The following WASHC3 variants were observed in gnomAD, a reference collection of about 807,000 sequenced individuals.
WASHC3 encodes the protein WASH complex subunit 3.
WASHC3 carries 24 observed loss-of-function variants against 26.1 expected under a neutral mutation model. The observed-to-expected ratio is 0.92, with a 90% CI of 0.66 to 1.29. The LOEUF (loss-of-function observed/expected upper bound fraction) is 1.29. WASHC3 is among the 50% of genes most tolerant of loss of function. The pLI is 0.00. For missense variants in WASHC3, 214 were observed against 229.6 expected (o/e 0.93, Z 0.44); for synonymous variants, 77 against 75.7 (o/e 1.02, Z -0.09).
At chr12:102,017,630 T>C in intron 6 of WASHC3, 1 of 314,806 alleles carries the variant, frequency 3.2e-6, no homozygotes. Context: ...GATTAGAACA[T>C]CTAGCAGGAG....
chr12:102,019,089 G>A (rs781439323), intron 6 of WASHC3, among the ~76,000 whole-genome samples: 4 of 152,096 alleles, frequency 2.6e-5, no homozygotes, highest in African/African-American at 7.2e-5. Context: ...ATGAGCCACC[G>A]CGGCTGGCCC....
At chr12:102,016,623 T>G (rs983015365) in intron 6 of WASHC3, among the ~76,000 whole-genome samples, 2 of 152,112 alleles carry the variant, frequency 1.3e-5, no homozygotes, top group Admixed American at 1.3e-4. Context: ...CAATAGAAAA[T>G]AGCAGATTCA....
intron 6 of WASHC3, among the ~76,000 whole-genome samples, chr12:102,018,840 A>C (rs1876827824): frequency 1.3e-5 from 2 of 152,008 alleles, no homozygotes; most frequent in South Asian, 4.1e-4. Flanking sequence ...TTATTTAGTG[A>C]GGCTGGAGTG....
intron 6 of WASHC3, among the ~76,000 whole-genome samples, chr12:102,018,016 G>T (rs538148164): frequency 6.6e-6 from 1 of 151,982 alleles, no homozygotes; most frequent in Non-Finnish European, 1.5e-5. Flanking sequence ...CTGTCTCTAT[G>T]AATTTGACTA....
At chr12:102,018,778 A>G (rs1876821765) in intron 6 of WASHC3, among the ~76,000 whole-genome samples, 1 of 151,518 alleles carries the variant, frequency 6.6e-6, no homozygotes, top group East Asian at 1.9e-4. Context: ...CTCCTCATTC[A>G]TTTTATTATT....
chr12:102,035,784 C>A (rs1462389200), intron 5 of WASHC3, among the ~76,000 whole-genome samples: 1 of 152,016 alleles, frequency 6.6e-6, no homozygotes, highest in Non-Finnish European at 1.5e-5. Context: ...ACTGGAGATA[C>A]AAAAATATGT....
At chr12:102,017,276 C>A (rs369161092) in intron 6 of WASHC3, among the ~76,000 whole-genome samples, 2 of 152,042 alleles carry the variant, frequency 1.3e-5, no homozygotes, top group African/African-American at 4.8e-5. Context: ...CACTCTATGA[C>A]GTTTGCACAA....
At chr12:102,043,233 A>C (rs960146231) in intron 4 of WASHC3, among the ~76,000 whole-genome samples, 2 of 152,146 alleles carry the variant, frequency 1.3e-5, no homozygotes, top group African/African-American at 4.8e-5. Flanking sequence ...CTTGAGTAAC[A>C]AGGGGTTAGA....
intron 2 of WASHC3, among the ~76,000 whole-genome samples, chr12:102,047,249 G>A (rs1476187961): frequency 1.1e-4 from 17 of 152,176 alleles, no homozygotes. Flanking sequence ...CATCCTGATT[G>A]TATTCTGGGA....
chr12:102,046,479 G>C (rs1304593693), intron 2 of WASHC3, among the ~76,000 whole-genome samples: 3 of 152,162 alleles, frequency 2.0e-5, no homozygotes, highest in Non-Finnish European at 4.4e-5. Context: ...ATTTTTAGTA[G>C]AGATAGTGTT....
intron 6 of WASHC3, among the ~76,000 whole-genome samples, chr12:102,021,250 T>C (rs1253861828): frequency 6.6e-6 from 1 of 152,212 alleles, no homozygotes; most frequent in Non-Finnish European, 1.5e-5. Context: ...CTTTTCTCTT[T>C]TGAATTCTCA....
intron 6 of WASHC3, among the ~76,000 whole-genome samples, chr12:102,024,468 A>G (rs545655039): frequency 4.6e-5 from 7 of 152,324 alleles, no homozygotes; most frequent in African/African-American, 1.7e-4. Flanking sequence ...CATCATAGTG[A>G]TTGACACTGT....
chr12:102,039,231 C>T (rs1308216135), intron 5 of WASHC3, among the ~76,000 whole-genome samples: 1 of 150,984 alleles, frequency 6.6e-6, no homozygotes, highest in African/African-American at 2.4e-5. Context: ...CCACCTCAGC[C>T]TCCCAAAGTG....
chr12:102,028,905 G>A (rs1877316668), intron 5 of WASHC3, among the ~76,000 whole-genome samples: 1 of 152,016 alleles, frequency 6.6e-6, no homozygotes, highest in Non-Finnish European at 1.5e-5. Context: ...TCTGGGGCCT[G>A]CTTACAGCAG....
chr12:102,051,729 T>C (rs1008789731), intron 2 of WASHC3, among the ~76,000 whole-genome samples: 4 of 152,246 alleles, frequency 2.6e-5, no homozygotes, highest in African/African-American at 9.6e-5. Context: ...CAAAGATATG[T>C]TGAATGAATG....
At chr12:102,030,243 C>G (rs979334561) in intron 5 of WASHC3, among the ~76,000 whole-genome samples, 1 of 139,322 alleles carries the variant, frequency 7.2e-6, no homozygotes, top group African/African-American at 2.7e-5. Context: ...TGCGGTGAGC[C>G]AAGATTGCAC....
At chr12:102,062,013 G>A (rs2136701035), upstream of WASHC3, 2 of 1,493,516 alleles carry the variant, frequency 1.3e-6, no homozygotes, top group Non-Finnish European at 1.8e-6. Flanking sequence ...CCTCCCAGAT[G>A]GGGCCCGCCC....
chr12:102,033,653 G>A (rs1877529547), intron 5 of WASHC3, among the ~76,000 whole-genome samples: 1 of 151,850 alleles, frequency 6.6e-6, no homozygotes, highest in African/African-American at 2.4e-5. Context: ...AATGCATAGA[G>A]ATGGTTATTC....
In WASHC3 at chr12:102,013,194, TAAAAG is replaced by T. The variant is rs1448772042; in HGVS notation, c.501-7_501-3del. The T allele has an allele frequency of 2.0e-6, 3 of 1,494,190 alleles. No individual in the cohort carries two copies. The highest frequency in any genetic ancestry group is 1.8e-6 in the Non-Finnish European group (2 of 1,101,902). The allele number at this position is 1,494,190 out of a possible 1,614,324, so 92.6% of individuals were successfully genotyped here. A position where few individuals can be genotyped will look rare whatever the true frequency, so the allele number is the denominator to read the frequency against. ...TCAGGCACTGGAGCATCTGGCCTCC[TAAAAG>T]AAAAGAAAAAAAAATTTCAAAGGTC... On this transcript the variant is annotated splice_region_variant and splice_polypyrimidine_tract_variant and intron_variant, in intron 6 of 6. Coordinates refer to ENST00000240079, the MANE Select transcript of WASHC3 (RefSeq NM_016053.4).
Sources: allele counts gnomAD v4.1 joint callset (sites outside exome capture counted in the v4.1 genomes callset), GRCh38; gene constraint gnomAD v4.1.1; transcripts MANE v1.5; gene names NCBI Gene and HGNC (gene_info 2026-07-23, HGNC 2026-07-21).